Variants in LRRC37A2 observed in about 807,000 individuals in gnomAD.
The protein encoded by LRRC37A2 is leucine rich repeat containing 37 member A2, also known as leucine-rich repeat-containing protein 37A2.
In LRRC37A2, 9 loss-of-function variants were observed where a neutral mutation model predicts 68.8. That is an observed-to-expected ratio of 0.13 (90% CI 0.08 to 0.23). The LOEUF (loss-of-function observed/expected upper bound fraction) is 0.23, where lower values mean the gene tolerates loss of function less well. LRRC37A2 is among the 10% of genes least tolerant of loss of function. LRRC37A2 has a pLI of 1.00. For missense variants in LRRC37A2, 168 were observed against 950.4 expected (o/e 0.18, Z 10.82); for synonymous variants, 63 against 367.6 (o/e 0.17, Z 9.48).
the LRRC37A2 span, chr17:47,027,523 A>G: frequency 1.0e-6 from 1 of 997,706 alleles, no homozygotes; most frequent in Non-Finnish European, 1.6e-6. Context: ...TTTAATAACT[A>G]ATCAAGGCAA....
chr17:47,010,994 G>A, the LRRC37A2 span, among the ~76,000 whole-genome samples: 1 of 152,136 alleles, frequency 6.6e-6, no homozygotes, highest in Non-Finnish European at 1.5e-5. Context: ...CAGCTCTAGG[G>A]GTAGGAGGAT....
chr17:46,728,901 T>G, the LRRC37A2 span: 2 of 1,608,494 alleles, frequency 1.2e-6, no homozygotes, highest in South Asian at 2.2e-5. Flanking sequence ...TATTACAGGC[T>G]CTTCTCGTTT....
At chr17:46,831,855 G>A in the LRRC37A2 span, among the ~76,000 whole-genome samples, 3 of 152,232 alleles carry the variant, frequency 2.0e-5, no homozygotes, top group Non-Finnish European at 4.4e-5. Context: ...TTTGGGTCCT[G>A]TATGCATTGA....
chr17:46,543,668 C>G (rs1250989669), intron 8 of LRRC37A2, among the ~76,000 whole-genome samples: 2 of 150,864 alleles, frequency 1.3e-5, no homozygotes, highest in African/African-American at 5.0e-5. Flanking sequence ...AATGTATAGA[C>G]ATACACACAC....
At chr17:47,043,766 C>G in the LRRC37A2 span, among the ~76,000 whole-genome samples, 1 of 140,170 alleles carries the variant, frequency 7.1e-6, no homozygotes, top group Non-Finnish European at 1.6e-5. Flanking sequence ...AGCATCCAGC[C>G]CAGTGGCTCA....
the LRRC37A2 span, among the ~76,000 whole-genome samples, chr17:46,982,826 T>G: frequency 6.4e-4 from 97 of 152,162 alleles, no homozygotes; most frequent in African/African-American, 2.2e-3. Context: ...CTTGTTACAG[T>G]AAGGGAGGCA....
chr17:46,978,458 G>T, the LRRC37A2 span: 5 of 618,376 alleles, frequency 8.1e-6, no homozygotes, highest in Non-Finnish European at 1.3e-5. Flanking sequence ...GCGCACACAG[G>T]ACAGAGCCGG....
intron 6 of LRRC37A2, among the ~76,000 whole-genome samples, chr17:46,532,755 G>A (rs2053885533): frequency 6.8e-6 from 1 of 146,730 alleles, no homozygotes; most frequent in Admixed American, 6.7e-5. Context: ...TCCTTTTTAT[G>A]TCTCTAAGAA....
the LRRC37A2 span, among the ~76,000 whole-genome samples, chr17:46,884,699 C>T: frequency 6.6e-6 from 1 of 152,100 alleles, no homozygotes; most frequent in Admixed American, 6.6e-5. Flanking sequence ...TGGTGTCATC[C>T]CTCCTTTGCA....
the LRRC37A2 span, among the ~76,000 whole-genome samples, chr17:46,862,280 A>G: frequency 6.6e-6 from 1 of 152,150 alleles, no homozygotes; most frequent in Non-Finnish European, 1.5e-5. Flanking sequence ...AAGTACAGAA[A>G]GGTAACGTAT....
the LRRC37A2 span, chr17:46,941,957 A>G: frequency 1.0e-6 from 1 of 985,114 alleles, no homozygotes; most frequent in South Asian, 4.7e-5. Flanking sequence ...CTCAAAGATG[A>G]TCACATTGGT....
At chr17:46,882,987 T>A in the LRRC37A2 span, among the ~76,000 whole-genome samples, 1 of 149,992 alleles carries the variant, frequency 6.7e-6, no homozygotes, top group African/African-American at 2.4e-5. Flanking sequence ...TGATCCCCAT[T>A]TTTTTTTTTG....
the LRRC37A2 span, among the ~76,000 whole-genome samples, chr17:46,914,650 CAA>C: frequency 0.13 from 9,357 of 72,162 alleles, 227 homozygotes; most frequent in Middle Eastern, 0.17. Flanking sequence ...GACTCCACCT[CAA>C]AAAAAAAAAA....
the LRRC37A2 span, chr17:46,486,904 T>C: frequency 1.1e-5 from 3 of 275,218 alleles, no homozygotes; most frequent in East Asian, 4.2e-5. Flanking sequence ...TTATCACATA[T>C]ATGGTTTGCA....
chr17:46,781,895 C>T, the LRRC37A2 span, among the ~76,000 whole-genome samples: 1 of 152,216 alleles, frequency 6.6e-6, no homozygotes, highest in African/African-American at 2.4e-5. Flanking sequence ...CGGGGTCACA[C>T]AGCTGGCTGC....
At chr17:47,032,342 A>G in the LRRC37A2 span, among the ~76,000 whole-genome samples, 2 of 149,560 alleles carry the variant, frequency 1.3e-5, no homozygotes, top group African/African-American at 4.9e-5. Flanking sequence ...CGATGCGGTT[A>G]TTATTATCAT....
chr17:46,979,726 C>G, the LRRC37A2 span, among the ~76,000 whole-genome samples: 1 of 152,082 alleles, frequency 6.6e-6, no homozygotes, highest in Non-Finnish European at 1.5e-5. Flanking sequence ...GCCTCCTTCC[C>G]TACACCCTCC....
chr17:46,974,200 C>G, the LRRC37A2 span, among the ~76,000 whole-genome samples: 1 of 152,230 alleles, frequency 6.6e-6, no homozygotes. Context: ...GAACCAGCTA[C>G]CTGGGGAGCA....
chr17:46,598,686 A>G, the LRRC37A2 span, among the ~76,000 whole-genome samples: 1 of 152,172 alleles, frequency 6.6e-6, no homozygotes, highest in Non-Finnish European at 1.5e-5. Flanking sequence ...ATCAGTATCA[A>G]TATCAGAAGC....
Sources: allele counts gnomAD v4.1 joint callset (sites outside exome capture counted in the v4.1 genomes callset), GRCh38; gene constraint gnomAD v4.1.1; transcripts MANE v1.5; gene names NCBI Gene and HGNC (gene_info 2026-07-23, HGNC 2026-07-21).